The following HMGB1 variants were observed in gnomAD, a reference collection of about 807,000 sequenced individuals.
The protein encoded by HMGB1 is high mobility group protein B1.
For missense variants in HMGB1, 79 were observed against 253.5 expected, an observed-to-expected ratio of 0.31 and a Z score of 4.67; for synonymous variants, 81 against 84.0, an observed-to-expected ratio of 0.96 and a Z score of 0.19.
intron 1 of HMGB1, among the ~76,000 whole-genome samples, chr13:30,564,912 T>G (rs1301289973): frequency 2.0e-5 from 3 of 152,224 alleles, no homozygotes; most frequent in Non-Finnish European, 2.9e-5. Context: ...TGATAATGTG[T>G]AACACTTTAG....
At chr13:30,546,054 G>T (rs1232082889) in intron 1 of HMGB1, among the ~76,000 whole-genome samples, 1 of 152,206 alleles carries the variant, frequency 6.6e-6, no homozygotes, top group Non-Finnish European at 1.5e-5. Flanking sequence ...GGACAATGCA[G>T]ATATAAAGCA....
At chr13:30,522,989 C>T (rs142996433) in intron 1 of HMGB1, among the ~76,000 whole-genome samples, 1 of 152,114 alleles carries the variant, frequency 6.6e-6, no homozygotes, top group East Asian at 1.9e-4. Context: ...GTTGGGATTA[C>T]AGGCGTGAGC....
rs1470707443 is a variant in HMGB1 at position 30,458,909 on chromosome 13, T to C, written c.*2448A>G. The C allele has an allele frequency of 6.6e-6, 1 of 152,212 alleles. No homozygotes were observed. The highest frequency in any genetic ancestry group is 1.5e-5 in the Non-Finnish European group (1 of 68,036). 9.4% of individuals were successfully genotyped at this position (152,212 alleles called of 1,614,324 possible). A position where few individuals can be genotyped will look rare whatever the true frequency, so the allele number is the denominator to read the frequency against. ...CTAATCAGCAATAGCTCTCAACCTT[T>C]GCACAGCAAAGTTAGGAAATTTGAC... On this transcript the variant is annotated 3_prime_UTR_variant, in exon 5 of 5. Coordinates refer to ENST00000341423, the MANE Select transcript of HMGB1 (RefSeq NM_002128.7).
chr13:30,558,036 A>C (rs1869763102), intron 1 of HMGB1, among the ~76,000 whole-genome samples: 1 of 152,132 alleles, frequency 6.6e-6, no homozygotes, highest in Non-Finnish European at 1.5e-5. Flanking sequence ...TTGTAATGAC[A>C]TATATACCTA....
intron 1 of HMGB1, among the ~76,000 whole-genome samples, chr13:30,483,685 C>G (rs1263437984): frequency 6.8e-6 from 1 of 147,840 alleles, no homozygotes; most frequent in African/African-American, 2.5e-5. Flanking sequence ...ATCATCTGGG[C>G]TCACTGCAGC....
At chr13:30,501,061 A>C (rs1228353568) in intron 1 of HMGB1, among the ~76,000 whole-genome samples, 6 of 152,104 alleles carry the variant, frequency 3.9e-5, no homozygotes, top group African/African-American at 1.2e-4. Context: ...TCCTGAAGTG[A>C]TCCTCCCACC....
chr13:30,526,543 A>G (rs1320080754), intron 1 of HMGB1, among the ~76,000 whole-genome samples: 1 of 152,216 alleles, frequency 6.6e-6, no homozygotes, highest in Non-Finnish European at 1.5e-5. Context: ...TCATCCAGAG[A>G]GATCTGCAAC....
At chr13:30,555,264 A>G (rs1438522879) in intron 1 of HMGB1, among the ~76,000 whole-genome samples, 1 of 151,882 alleles carries the variant, frequency 6.6e-6, no homozygotes, top group African/African-American at 2.4e-5. Context: ...GATGGTCTCG[A>G]TCTCCTGACC....
intron 1 of HMGB1, among the ~76,000 whole-genome samples, chr13:30,527,330 C>A (rs561185267): frequency 1.3e-5 from 2 of 152,246 alleles, no homozygotes; most frequent in Admixed American, 6.5e-5. Flanking sequence ...AAGGAAGGAA[C>A]CTCTCGGGAT....
chr13:30,614,854 G>A (rs1323860384), intron 1 of HMGB1, among the ~76,000 whole-genome samples: 2 of 150,686 alleles, frequency 1.3e-5, no homozygotes, highest in Admixed American at 6.6e-5. Context: ...GCCTCCCACC[G>A]CGCCCGGTTA....
rs7335207 is a variant in HMGB1, at chr13:30,559,159, T to C, written c.-15+57512A>G. The stretch of plus-strand genomic sequence containing the variant: ...TGCCAAATGTACCTGGGGTGGGGGG[T>C]GCGGGTGGAGGAAAAATTGCCCCTG... On this transcript the variant is annotated intron_variant, in intron 1 of 4. Transcript: ENST00000405805. The surrounding 1 kb of genome is among the most constrained non-coding windows in gnomAD (Gnocchi z 6.6). Among the ~76,000 whole-genome samples the C allele has an allele frequency of 0.089, 13,500 of 151,572 alleles. 1,970 individuals carry two copies. The highest frequency in any genetic ancestry group is 0.31 in the African/African-American group (12,659 of 41,282).
chr13:30,475,386 A>AT, intron 1 of HMGB1, among the ~76,000 whole-genome samples: 1 of 150,564 alleles, frequency 6.6e-6, no homozygotes, highest in Non-Finnish European at 1.5e-5. Flanking sequence ...ATGTTTTTGT[A>AT]TTTTTTGTAG....
Position 30,533,007 on chromosome 13 carries a change from T to C in HMGB1, c.-14-69313A>G, listed in dbSNP as rs114553117. ...TCCCCCACTTTTACAAAAGAGGCAA[T>C]AGAGTATCACAATAGCTTCATAACT... On this transcript the variant is annotated intron_variant, in intron 1 of 4. Coordinates refer to the HMGB1 transcript ENST00000405805. Among the ~76,000 whole-genome samples the C allele has an allele frequency of 4.8e-3, 733 of 152,198 alleles. 5 individuals carry two copies. The highest frequency in any genetic ancestry group is 0.016 in the African/African-American group (672 of 41,506).
At chr13:30,503,350 TA>T (rs879464322) in intron 1 of HMGB1, among the ~76,000 whole-genome samples, 42 of 135,716 alleles carry the variant, frequency 3.1e-4, no homozygotes, top group African/African-American at 7.1e-4. Flanking sequence ...TCTCAAAAAA[TA>T]AAAAAAAAAA....
At chr13:30,558,094 T>TA (rs909877075) in intron 1 of HMGB1, among the ~76,000 whole-genome samples, 273 of 148,606 alleles carry the variant, frequency 1.8e-3, no homozygotes, top group African/African-American at 6.1e-3. Context: ...CAAGAGCTAT[T>TA]AAAAAAAAAA....
At chr13:30,570,564 T>C (rs996491808) in intron 1 of HMGB1, among the ~76,000 whole-genome samples, 1 of 152,240 alleles carries the variant, frequency 6.6e-6, no homozygotes, top group Non-Finnish European at 1.5e-5. Flanking sequence ...ATATCCTTCA[T>C]GTAATTGAGC....
At chr13:30,497,986 G>C (rs1887649931) in intron 1 of HMGB1, among the ~76,000 whole-genome samples, 1 of 152,142 alleles carries the variant, frequency 6.6e-6, no homozygotes, top group South Asian at 2.1e-4. Flanking sequence ...TAATGGAATT[G>C]CTGGGTGGAA....
Position 30,536,856 on chromosome 13 carries a change from C to T in HMGB1, c.-14-73162G>A, listed in dbSNP as rs1200013246. Among the ~76,000 whole-genome samples the T allele has an allele frequency of 3.9e-5, 6 of 152,148 alleles. No homozygotes were observed. The South Asian group carries it at 8.3e-4, about 21-fold the overall frequency. On this transcript the variant is annotated intron_variant, in intron 1 of 4. Transcript: ENST00000405805. ...ACAGAACTTTAAAACTCCTCTCGTACCACTTGGGCTACTGACTTCTTGGCA... is the reference window on the plus strand; with the variant it reads ...ACAGAACTTTAAAACTCCTCTCGTATCACTTGGGCTACTGACTTCTTGGCA...
chr13:30,488,553 A>C (rs1215820613), intron 1 of HMGB1, among the ~76,000 whole-genome samples: 1 of 151,884 alleles, frequency 6.6e-6, no homozygotes, highest in Non-Finnish European at 1.5e-5. Flanking sequence ...GCCCAAACCC[A>C]GCTCACTGTA....
Sources: allele counts gnomAD v4.1 joint callset (sites outside exome capture counted in the v4.1 genomes callset), GRCh38; gene constraint gnomAD v4.1.1; non-coding constraint Gnocchi (gnomAD v3.1); transcripts MANE v1.5; gene names NCBI Gene and HGNC (gene_info 2026-07-23, HGNC 2026-07-21).